The following AFF3 variants were observed in gnomAD, a reference collection of about 807,000 sequenced individuals.
AFF3 encodes ALF transcription elongation factor 3.
A neutral mutation model predicts 129.7 loss-of-function variants in AFF3; 32 were observed. The ratio of observed to expected loss-of-function variants is 0.25; its 90% CI spans 0.19 to 0.33. The LOEUF (loss-of-function observed/expected upper bound fraction) is 0.33, where lower values mean the gene tolerates loss of function less well. AFF3 is among the 10% of genes least tolerant of loss of function. AFF3 has a pLI of 1.00. For missense variants in AFF3, 1,373 were observed against 1,592.0 expected (o/e 0.86, Z 2.34); for synonymous variants, 644 against 635.4 (o/e 1.01, Z -0.20).
chr2:100,066,373 C>T (rs909020719), intron 4 of AFF3, among the ~76,000 whole-genome samples: 3 of 152,062 alleles, frequency 2.0e-5, no homozygotes, highest in East Asian at 1.9e-4. Context: ...TGGTAATGAA[C>T]GAGCCAGTGA....
rs996388672 is a variant in AFF3, at chr2:100,077,284, T to A, written c.53+27118A>T. ...CAATTAAAATTAATCTTAAAAATAA[T>A]AAGATCAGGCCCAAGGTAGTCGCTA... On this transcript the variant is annotated intron_variant, in intron 4 of 24. Transcript: ENST00000672756. 3.3e-5 allele frequency among the ~76,000 whole-genome samples: 5 copies of A among 151,898 alleles called. No homozygotes were observed. In the East Asian group the frequency reaches 9.7e-4, roughly 29 times the overall value.
chr2:99,851,210 C>A (rs115074436), intron 7 of AFF3, among the ~76,000 whole-genome samples: 2 of 152,182 alleles, frequency 1.3e-5, no homozygotes, highest in Non-Finnish European at 2.9e-5. Context: ...GAAAATACAT[C>A]ATAAATAATG....
At chr2:99,933,341 T>C (rs191559778) in intron 7 of AFF3, among the ~76,000 whole-genome samples, 50 of 152,208 alleles carry the variant, frequency 3.3e-4, no homozygotes, top group African/African-American at 1.2e-3. Flanking sequence ...ACTCTTTTTT[T>C]TTAAGTTCTG....
chr2:99,902,425 C>T (rs1694410435), intron 7 of AFF3, among the ~76,000 whole-genome samples: 1 of 152,126 alleles, frequency 6.6e-6, no homozygotes, highest in South Asian at 2.1e-4. Flanking sequence ...ACCGCGCACT[C>T]ACTACATGCT....
chr2:99,684,125 G>T (rs1674800867), intron 11 of AFF3, among the ~76,000 whole-genome samples: 1 of 152,106 alleles, frequency 6.6e-6, no homozygotes, highest in African/African-American at 2.4e-5. Context: ...TGAGAATTAA[G>T]GCCTAAGACT....
intron 7 of AFF3, among the ~76,000 whole-genome samples, chr2:99,863,159 G>C (rs1691125320): frequency 6.6e-6 from 1 of 152,240 alleles, no homozygotes. Context: ...AACAGAGGTT[G>C]AGAAGAAAAG....
chr2:99,987,907 TG>T (rs1680006874), intron 7 of AFF3, among the ~76,000 whole-genome samples: 1 of 152,246 alleles, frequency 6.6e-6, no homozygotes. Context: ...AGAACTGCTC[TG>T]TGATTTTTAA....
intron 8 of AFF3, among the ~76,000 whole-genome samples, chr2:99,753,067 G>A (rs888289476): frequency 6.6e-6 from 1 of 151,656 alleles, no homozygotes; most frequent in African/African-American, 2.4e-5. Flanking sequence ...ACGCCAACTT[G>A]GAGTTTACGA....
At chr2:99,886,929 G>A (rs945434202) in intron 7 of AFF3, among the ~76,000 whole-genome samples, 3 of 130,588 alleles carry the variant, frequency 2.3e-5, no homozygotes, top group Non-Finnish European at 5.2e-5. Flanking sequence ...CTCATACCTA[G>A]TGCTGTAAGA....
chr2:99,726,955 GA>G, intron 11 of AFF3, 121 bp downstream of exon 11: 1 of 889,298 alleles, frequency 1.1e-6, no homozygotes, highest in South Asian at 1.9e-5. Flanking sequence ...ATTATCATGA[GA>G]AAAGAGAACC....
chr2:99,947,645 T>TAGAC lies in AFF3; in HGVS notation c.873+58986_873+58987insGTCT, dbSNP rs1462200103. Among the ~76,000 whole-genome samples, 562 of 134,514 alleles carry TAGAC rather than the reference T, an allele frequency of 4.2e-3. 2 individuals are homozygous for TAGAC. The highest frequency in any genetic ancestry group is 0.015 in the Middle Eastern group (4 of 262). 88.2% of individuals were successfully genotyped at this position (134,514 alleles called of 152,430 possible). A position where few individuals can be genotyped will look rare whatever the true frequency, so the allele number is the denominator to read the frequency against. ...ATAGATAGATAGATAGATAGATAGATAGATAGATAGACAGACAGACAGACA... is the reference window on the plus strand; with the variant it reads ...ATAGATAGATAGATAGATAGATAGATAGACAGATAGATAGACAGACAGACAGACA... On this transcript the variant is annotated intron_variant, in intron 7 of 24. Transcript: ENST00000672756.
At chr2:99,768,494 G>C (rs537675308) in intron 8 of AFF3, among the ~76,000 whole-genome samples, 116 of 152,290 alleles carry the variant, frequency 7.6e-4, no homozygotes, top group Non-Finnish European at 1.3e-3. Context: ...TTTTGGATTG[G>C]TTCATCTTAA....
chr2:99,716,939 C>A (rs1300585864), intron 11 of AFF3, among the ~76,000 whole-genome samples: 1 of 152,082 alleles, frequency 6.6e-6, no homozygotes, highest in Non-Finnish European at 1.5e-5. Flanking sequence ...CAATCCCCAG[C>A]CTCTCACAGC....
In AFF3 at chr2:99,628,179, T is replaced by C. The variant is rs139352883; in HGVS notation, c.1184+21447A>G. On this transcript the variant is annotated intron_variant, in intron 13 of 24. Transcript: ENST00000672756. ...GGCAGTATGGCCATTTTCATGACAT[T>C]GATTCTTCCTATCCAAAAGCATAAA... 3.4e-3 allele frequency among the ~76,000 whole-genome samples: 514 copies of C among 152,364 alleles called. 1 individual carries two copies. Among genetic ancestry groups the C allele is most frequent in the Non-Finnish European group, 5.6e-3 (379 of 68,038 alleles).
intron 3 of AFF3, 161 bp downstream of exon 3, chr2:100,105,343 G>A: frequency 8.1e-7 from 1 of 1,231,748 alleles, no homozygotes; most frequent in Non-Finnish European, 1.0e-6. Context: ...ACCGTTTAAG[G>A]TCTCTGGAGC....
chr2:99,645,597 G>C (rs1412062944), intron 13 of AFF3, among the ~76,000 whole-genome samples: 1 of 152,094 alleles, frequency 6.6e-6, no homozygotes, highest in Non-Finnish European at 1.5e-5. Context: ...CTCCCCTTCT[G>C]CTTGCCATGG....
At chr2:100,136,878 TA>T (rs1692660060) in intron 1 of AFF3, among the ~76,000 whole-genome samples, 1 of 152,176 alleles carries the variant, frequency 6.6e-6, no homozygotes. Flanking sequence ...ATGTATGTTT[TA>T]CATCGCTAAG....
intron 12 of AFF3, among the ~76,000 whole-genome samples, chr2:99,671,911 A>T (rs1201917730): frequency 6.6e-6 from 1 of 152,198 alleles, no homozygotes; most frequent in East Asian, 1.9e-4. Flanking sequence ...TGATCAGAAG[A>T]GTATTTATAA....
At chr2:100,134,460 G>T (rs1430402698) in intron 1 of AFF3, among the ~76,000 whole-genome samples, 6 of 151,976 alleles carry the variant, frequency 3.9e-5, no homozygotes, top group Non-Finnish European at 8.8e-5. Context: ...TATTTTTCCA[G>T]GTTTGCCATT....
Sources: gnomAD v4.1 joint callset for allele counts (sites outside exome capture counted in the v4.1 genomes callset) on GRCh38, gnomAD v4.1.1 for gene constraint, MANE v1.5 for transcripts, NCBI Gene and HGNC (gene_info 2026-07-23, HGNC 2026-07-21) for gene names.